The following CENPQ variants were observed in gnomAD, a reference collection of about 807,000 sequenced individuals.
CENPQ encodes the protein chromosome 6 open reading frame 139.
Under a neutral mutation model 36.6 loss-of-function variants are expected in CENPQ, and 27 were observed. That is an observed-to-expected ratio of 0.74 (90% CI 0.54 to 1.02). The LOEUF (loss-of-function observed/expected upper bound fraction) is 1.02. Ranked by LOEUF, CENPQ falls within the 50% of genes least tolerant of loss-of-function variation. The pLI is 0.00. For synonymous variants in CENPQ, 101 were observed against 101.7 expected (o/e 0.99, Z 0.04); for missense variants, 306 against 301.8 (o/e 1.01, Z -0.10).
intron 5 of CENPQ, among the ~76,000 whole-genome samples, chr6:49,480,250 C>T (rs1768397202): frequency 6.6e-6 from 1 of 152,126 alleles, no homozygotes; most frequent in Admixed American, 6.6e-5. Context: ...TTTAGCTTTT[C>T]CTCCTCATAA....
chr6:49,483,305 A>G (rs1768490079), intron 6 of CENPQ, among the ~76,000 whole-genome samples: 1 of 152,150 alleles, frequency 6.6e-6, no homozygotes, highest in Non-Finnish European at 1.5e-5. Context: ...TCCCTTAGCT[A>G]GACATAAAGG....
intron 2 of CENPQ, among the ~76,000 whole-genome samples, chr6:49,470,601 A>G (rs1768106958): frequency 6.7e-6 from 1 of 148,980 alleles, no homozygotes; most frequent in Admixed American, 6.7e-5. Context: ...CAGCCTGGGC[A>G]AAAAGAGTGA....
Position 49,479,429 on chromosome 6 carries a change from G to A in CENPQ, c.348-1522G>A, listed in dbSNP as rs149018369. On this transcript the variant is annotated intron_variant, in intron 5 of 8. Coordinates refer to ENST00000335783, the MANE Select transcript of CENPQ (RefSeq NM_018132.4). Reference sequence around the variant, plus strand: ...GAGAAATGCAAATGAAAACCACAATGAGATACCATCTTAAACCAGTCAAAA... The same window carrying A: ...GAGAAATGCAAATGAAAACCACAATAAGATACCATCTTAAACCAGTCAAAA... Among the ~76,000 whole-genome samples the A allele has an allele frequency of 6.8e-3, 1,039 of 152,224 alleles. 11 individuals carry two copies. The highest frequency in any genetic ancestry group is 0.022 in the African/African-American group (914 of 41,534).
chr6:49,488,651 T>G lies in CENPQ; in HGVS notation c.642T>G (p.Leu214=). 1 of 1,613,674 alleles carries G rather than the reference T, an allele frequency of 6.2e-7. No individual in the cohort carries two copies. The highest frequency in any genetic ancestry group is 8.5e-7 in the Non-Finnish European group (1 of 1,179,674). ...GTGGAGTACTCTCTCTTCCGGAACT[T>G]TCTCAGAAAACTCTCAAAGCACCCA... ...NSSGVLSLPE[L]SQKTLKAPTL... is the part of the protein sequence containing the mutation. Residue 214 remains leucine, a synonymous_variant, in exon 8 of 9, where the codon CTT becomes CTG. Transcript: ENST00000335783.
chr6:49,492,191 C>G lies in CENPQ; in HGVS notation c.723C>G (p.Asp241Glu). The part of the protein sequence containing the change: ...LIPNQNALLK[D>E]LDILHNSSQM... ...CAAACCAGAATGCTCTTCTAAAGGA[C>G]TTGGATATTCTTCATAATTCATCAC... The change falls in exon 9 of 9, where the codon GAC (aspartate) becomes GAG (glutamate). Residue 241 changes from aspartate (D) to glutamate (E), a missense_variant. Asp to Glu is a conservative substitution (Grantham distance 45). Transcript: ENST00000335783. 2 of 1,608,698 alleles carry G rather than the reference C, an allele frequency of 1.2e-6. No homozygotes were observed. Among genetic ancestry groups the G allele is most frequent in the Non-Finnish European group, 1.7e-6 (2 of 1,178,486 alleles).
In CENPQ at chr6:49,492,313, A is replaced by G. The variant is rs368444649; in HGVS notation, c.*38A>G. 374 of 1,521,450 alleles carry G rather than the reference A, an allele frequency of 2.5e-4. 3 individuals carry two copies. The African/African-American group carries it at 4.3e-3, about 18-fold the overall frequency. The allele number at this position is 1,521,450 out of a possible 1,614,324, so 94.2% of individuals were successfully genotyped here. On this transcript the variant is annotated 3_prime_UTR_variant, in exon 9 of 9. Transcript: ENST00000335783. ...TTTTAGATTGTTCCATATTAATTTA[A>G]TGTTCGTGAATTTGTAAAACTGTTA...
intron 5 of CENPQ, among the ~76,000 whole-genome samples, chr6:49,474,502 C>G (rs568376805): frequency 2.0e-5 from 3 of 151,998 alleles, no homozygotes; most frequent in South Asian, 2.1e-4. Context: ...AGAATCTCTG[C>G]GACACATTTA....
intron 8 of CENPQ, among the ~76,000 whole-genome samples, chr6:49,489,614 G>A (rs982586374): frequency 6.6e-6 from 1 of 152,032 alleles, no homozygotes; most frequent in African/African-American, 2.4e-5. Context: ...AATTTATTTT[G>A]CCCAGATCCA....
In CENPQ at chr6:49,482,007, G is replaced by A. The variant is rs183349001; in HGVS notation, c.477+927G>A. Among the ~76,000 whole-genome samples, 437 of 152,274 alleles carry A rather than the reference G, an allele frequency of 2.9e-3. 1 individual carries two copies. The highest frequency in any genetic ancestry group is 6.8e-3 in the African/African-American group (283 of 41,578). ...AAGGCCCGGCGACAAATTGAGCGCA[G>A]GGCCGGTGGGCCGGCACTGCTGGGG... On this transcript the variant is annotated intron_variant, in intron 6 of 8. Coordinates refer to ENST00000335783, the MANE Select transcript of CENPQ (RefSeq NM_018132.4).
intron 8 of CENPQ, among the ~76,000 whole-genome samples, chr6:49,490,638 T>A (rs1293404579): frequency 6.6e-6 from 1 of 152,234 alleles, no homozygotes; most frequent in Non-Finnish European, 1.5e-5. Context: ...TGATAGGCCT[T>A]CCTCACTAAA....
intron 6 of CENPQ, among the ~76,000 whole-genome samples, 175 bp downstream of exon 6, chr6:49,481,255 C>T (rs917903450): frequency 1.1e-4 from 16 of 151,968 alleles, no homozygotes. Context: ...TTTGTCTGAA[C>T]TTGGCACCTC....
At chr6:49,488,537 T>C (rs1051840394) in intron 7 of CENPQ, 66 bp downstream of exon 7, 2 of 1,595,828 alleles carry the variant, frequency 1.3e-6, no homozygotes, top group East Asian at 4.5e-5. Flanking sequence ...TATGCAAAGA[T>C]AACTTTCGAG....
chr6:49,475,779 AACAG>A (rs1768273238), intron 5 of CENPQ, among the ~76,000 whole-genome samples: 1 of 152,072 alleles, frequency 6.6e-6, no homozygotes, highest in South Asian at 2.1e-4. Flanking sequence ...ATACACCAAT[AACAG>A]ACAAACAGAG....
intron 5 of CENPQ, among the ~76,000 whole-genome samples, chr6:49,477,994 A>G (rs1042258121): frequency 6.6e-6 from 1 of 152,196 alleles, no homozygotes; most frequent in Admixed American, 6.5e-5. Context: ...ATTGGAAAAG[A>G]TTATATTCAA....
intron 5 of CENPQ, among the ~76,000 whole-genome samples, chr6:49,473,094 G>A (rs1368236245): frequency 2.6e-5 from 4 of 151,914 alleles, no homozygotes; most frequent in Non-Finnish European, 5.9e-5. Context: ...TGTTTCCACA[G>A]TTCACTCTTC....
intron 5 of CENPQ, among the ~76,000 whole-genome samples, chr6:49,475,250 ATC>A (rs1203431897): frequency 1.7e-4 from 26 of 152,332 alleles, no homozygotes; most frequent in Admixed American, 1.1e-3. Context: ...AGTGGGCTTC[ATC>A]CCTGGGATGC....
intron 1 of CENPQ, among the ~76,000 whole-genome samples, chr6:49,467,430 G>A (rs952321933): frequency 1.3e-5 from 2 of 151,936 alleles, no homozygotes; most frequent in African/African-American, 4.8e-5. Flanking sequence ...GGAAGGGCAG[G>A]GATTATATAA....
Position 49,492,252 on chromosome 6 carries a change from T to C in CENPQ, c.784T>C (p.Tyr262His). The C allele has an allele frequency of 6.3e-7, 1 of 1,598,666 alleles. No homozygotes were observed. The highest frequency in any genetic ancestry group is 8.5e-7 in the Non-Finnish European group (1 of 1,174,962). Residue 262 changes from tyrosine to histidine, a missense_variant, in exon 9 of 9, where the codon TAT becomes CAT. By Grantham distance (83) the Tyr-to-His change is moderately conservative. Transcript: ENST00000335783. ...CATGTCAACCTTCATTGAAGAAGCC[T>C]ATAAGAAACTGGATGCATCTTAAAG... ...KSMSTFIEEA[Y>H]KKLDAS is the part of the protein sequence containing the mutation.
chr6:49,481,502 C>G (rs1310322851), intron 6 of CENPQ, among the ~76,000 whole-genome samples: 1 of 152,030 alleles, frequency 6.6e-6, no homozygotes, highest in African/African-American at 2.4e-5. Flanking sequence ...AGTGTGGACC[C>G]AAAGAGTGAG....
Sources: allele counts gnomAD v4.1 joint callset (sites outside exome capture counted in the v4.1 genomes callset), GRCh38; gene constraint gnomAD v4.1.1; transcripts MANE v1.5; gene names NCBI Gene and HGNC (gene_info 2026-07-23, HGNC 2026-07-21).